The following FHIT variants were observed in gnomAD, a reference collection of about 807,000 sequenced individuals.
FHIT encodes the protein bis(5'-adenosyl)-triphosphatase.
In FHIT, 19 loss-of-function variants were observed where a neutral mutation model predicts 17.9. The ratio of observed to expected loss-of-function variants is 1.06; its 90% CI spans 0.74 to 1.56. The LOEUF (loss-of-function observed/expected upper bound fraction) is 1.56, where lower values mean the gene tolerates loss of function less well. Ranked by LOEUF, FHIT falls within the 40% of genes most tolerant of loss-of-function variation. The probability of loss-of-function intolerance (pLI) is 0.00; values close to 1 mark genes in which losing one functional copy is unlikely to be tolerated. For missense variants in FHIT, 248 were observed against 189.2 expected, an observed-to-expected ratio of 1.31 and a Z score of -1.82; for synonymous variants, 81 against 69.7, an observed-to-expected ratio of 1.16 and a Z score of -0.81.
At chr3:60,478,907 G>A (rs1269742255) in intron 5 of FHIT, among the ~76,000 whole-genome samples, 2 of 152,144 alleles carry the variant, frequency 1.3e-5, no homozygotes, top group Admixed American at 1.3e-4. Context: ...GTGTGCTATT[G>A]AAATGAAACG....
At chr3:60,695,418 T>C (rs1379571341) in intron 4 of FHIT, among the ~76,000 whole-genome samples, 1 of 152,016 alleles carries the variant, frequency 6.6e-6, no homozygotes, top group Non-Finnish European at 1.5e-5. Flanking sequence ...AAAAAAGAAA[T>C]ATATAAATGT....
At chr3:60,414,890 A>G (rs1313741985) in intron 5 of FHIT, among the ~76,000 whole-genome samples, 1 of 152,190 alleles carries the variant, frequency 6.6e-6, no homozygotes, top group African/African-American at 2.4e-5. Flanking sequence ...GATAATCTTT[A>G]TTAGTATTTG....
intron 5 of FHIT, among the ~76,000 whole-genome samples, chr3:60,473,454 G>C (rs1546817): frequency 0.31 from 47,026 of 151,886 alleles, 7,905 homozygotes; most frequent in East Asian, 0.54. Context: ...ATTATCAAGA[G>C]AGAATAAATA....
intron 3 of FHIT, among the ~76,000 whole-genome samples, chr3:61,040,827 C>T (rs17686275): frequency 0.047 from 7,164 of 152,212 alleles, 193 homozygotes; most frequent in African/African-American, 0.057. Context: ...CTTATTCCCC[C>T]GATGGAAACT....
At chr3:60,901,611 A>C (rs1456509983) in intron 3 of FHIT, among the ~76,000 whole-genome samples, 1 of 152,240 alleles carries the variant, frequency 6.6e-6, no homozygotes, top group Non-Finnish European at 1.5e-5. Flanking sequence ...AAAATAATAC[A>C]CTGGGTGTCC....
intron 5 of FHIT, among the ~76,000 whole-genome samples, chr3:60,254,473 G>A (rs931852398): frequency 6.6e-6 from 1 of 152,082 alleles, no homozygotes; most frequent in Admixed American, 6.5e-5. Context: ...GGAAAATCAG[G>A]CAAGTTTAAA....
intron 5 of FHIT, among the ~76,000 whole-genome samples, chr3:60,129,740 G>A (rs186751032): frequency 9.7e-4 from 148 of 152,152 alleles, no homozygotes; most frequent in African/African-American, 3.5e-3. Flanking sequence ...TAAAGTTAAG[G>A]AGATATAAAA....
At chr3:60,130,984 C>CATATATACACATGTGT (rs1553693002) in intron 5 of FHIT, among the ~76,000 whole-genome samples, 15 of 90,084 alleles carry the variant, frequency 1.7e-4, no homozygotes, top group African/African-American at 5.2e-4. Context: ...TATATATACA[C>CATATATACACATGTGT]ATATATACAC....
intron 5 of FHIT, among the ~76,000 whole-genome samples, chr3:60,191,631 A>T (rs541675198): frequency 3.3e-5 from 5 of 152,298 alleles, no homozygotes; most frequent in African/African-American, 1.2e-4. Flanking sequence ...CAAATTCATG[A>T]GGCCAGATGA....
At chr3:60,534,138 G>C (rs1476502582) in intron 5 of FHIT, among the ~76,000 whole-genome samples, 3 of 152,098 alleles carry the variant, frequency 2.0e-5, no homozygotes, top group Non-Finnish European at 4.4e-5. Flanking sequence ...ATTAAGATGC[G>C]TCTCCCAGGC....
intron 8 of FHIT, among the ~76,000 whole-genome samples, chr3:59,856,030 C>T (rs1702142970): frequency 6.6e-6 from 1 of 152,126 alleles, no homozygotes; most frequent in Non-Finnish European, 1.5e-5. Context: ...ATCCACCCGC[C>T]TCGGCCTCCC....
chr3:60,753,821 G>A (rs1391047306), intron 4 of FHIT, among the ~76,000 whole-genome samples: 4 of 152,090 alleles, frequency 2.6e-5, no homozygotes, highest in East Asian at 1.9e-4. Flanking sequence ...GATTTGTTAA[G>A]ACGATTTTCT....
intron 5 of FHIT, among the ~76,000 whole-genome samples, chr3:60,259,503 T>C (rs1706187071): frequency 6.6e-6 from 1 of 152,146 alleles, no homozygotes; most frequent in Non-Finnish European, 1.5e-5. Flanking sequence ...GGGAAGACCT[T>C]AAGTTATGGC....
intron 2 of FHIT, among the ~76,000 whole-genome samples, chr3:61,085,196 A>G (rs1016634763): frequency 6.6e-6 from 1 of 152,146 alleles, no homozygotes; most frequent in Non-Finnish European, 1.5e-5. Context: ...TGGTAAGTAC[A>G]TGTTTAACCT....
At chr3:60,519,490 T>A (rs2107561181) in intron 5 of FHIT, among the ~76,000 whole-genome samples, 1 of 152,324 alleles carries the variant, frequency 6.6e-6, no homozygotes, top group Non-Finnish European at 1.5e-5. Flanking sequence ...TAACTACTAG[T>A]AGACTATTGT....
intron 5 of FHIT, among the ~76,000 whole-genome samples, chr3:60,312,154 C>T (rs1334210995): frequency 1.3e-5 from 2 of 151,748 alleles, no homozygotes; most frequent in Admixed American, 1.3e-4. Flanking sequence ...ATAAAAAAAT[C>T]TTTTTTTTAA....
chr3:59,903,226 C>G (rs974693909), intron 8 of FHIT, among the ~76,000 whole-genome samples: 2 of 152,064 alleles, frequency 1.3e-5, no homozygotes, highest in African/African-American at 4.8e-5. Context: ...TATGAAATGT[C>G]CATAACAGGC....
At position 60,158,320 on chromosome 3, in the gene FHIT, C is replaced by T. The variant is rs1209888218; in HGVS notation, c.104-144168G>A. Among the ~76,000 whole-genome samples, 9 of 151,908 alleles carry T rather than the reference C, an allele frequency of 5.9e-5. No homozygotes were observed. The East Asian group carries it at 1.4e-3, about 23-fold the overall frequency. On this transcript the variant is annotated intron_variant, in intron 5 of 9. Transcript: ENST00000492590. ...AAAACAAGACTATTTCATAATTTCT[C>T]TCTCTTTTTTTTTTTTGAGACAGAA...
At chr3:61,124,530 A>G (rs1175356869) in intron 2 of FHIT, among the ~76,000 whole-genome samples, 1 of 152,146 alleles carries the variant, frequency 6.6e-6, no homozygotes, top group Admixed American at 6.6e-5. Flanking sequence ...TACCAACATG[A>G]TATCACTGAT....
Sources: allele counts gnomAD v4.1 joint callset (sites outside exome capture counted in the v4.1 genomes callset), GRCh38; gene constraint gnomAD v4.1.1; transcripts MANE v1.5; gene names NCBI Gene and HGNC (gene_info 2026-07-23, HGNC 2026-07-21).